CWC27: variants seen among roughly 807,000 people sequenced by gnomAD.
CWC27 encodes the protein CWC27 spliceosome associated cyclophilin, also known as spliceosome-associated protein CWC27 homolog.
Under a neutral mutation model 63.6 loss-of-function variants are expected in CWC27, and 47 were observed. The ratio of observed to expected loss-of-function variants is 0.74; its 90% CI spans 0.58 to 0.94. The LOEUF is 0.94. Ranked by LOEUF, CWC27 falls within the 40% of genes least tolerant of loss-of-function variation. The probability of loss-of-function intolerance (pLI) is 0.00; values close to 1 mark genes in which losing one functional copy is unlikely to be tolerated. For synonymous variants in CWC27, 175 were observed against 179.8 expected (o/e 0.97, Z 0.22); for missense variants, 495 against 554.3 (o/e 0.89, Z 1.07).
intron 13 of CWC27, among the ~76,000 whole-genome samples, chr5:64,985,284 T>C (rs1749404303): frequency 6.6e-6 from 1 of 152,226 alleles, no homozygotes; most frequent in Non-Finnish European, 1.5e-5. Context: ...AGTTTTAGAA[T>C]CAGTTTGTCT....
At position 64,782,009 on chromosome 5, in the gene CWC27, GTCTA is replaced by G. The variant is rs755683243; in HGVS notation, c.234_237del (p.Ile78MetfsTer69). On this transcript the variant is annotated frameshift_variant, in exon 3 of 14. Transcript: ENST00000381070. LOFTEE classifies it high-confidence loss of function. Reference sequence around the variant, plus strand: ...CTACTGGCACAGGGAGTGGTGGAGAGTCTATCTATGGAGCGCCATTCAAAGTAAG... The same window carrying G: ...CTACTGGCACAGGGAGTGGTGGAGAGTCTATGGAGCGCCATTCAAAGTAAG... The G allele has an allele frequency of 1.3e-6, 2 of 1,577,720 alleles. No homozygotes were observed. The highest frequency in any genetic ancestry group is 1.3e-5 in the African/African-American group (1 of 74,150).
chr5:64,857,249 C>A (rs1190867736), intron 10 of CWC27, among the ~76,000 whole-genome samples: 1 of 152,206 alleles, frequency 6.6e-6, no homozygotes, highest in Non-Finnish European at 1.5e-5. Context: ...TACTCACTGA[C>A]TGATGTTCTA....
intron 11 of CWC27, among the ~76,000 whole-genome samples, chr5:64,941,705 G>A (rs1049891335): frequency 1.3e-5 from 2 of 152,020 alleles, no homozygotes; most frequent in Non-Finnish European, 2.9e-5. Flanking sequence ...TTTTAAATGA[G>A]ATTGGACGTT....
intron 11 of CWC27, among the ~76,000 whole-genome samples, chr5:64,898,570 A>T (rs1435930701): frequency 2.0e-5 from 3 of 152,128 alleles, no homozygotes; most frequent in Non-Finnish European, 4.4e-5. Context: ...AGCAAGATCT[A>T]GTTGCTACGT....
chr5:64,926,024 C>G (rs958533557), intron 11 of CWC27, among the ~76,000 whole-genome samples: 4 of 152,146 alleles, frequency 2.6e-5, no homozygotes, highest in Admixed American at 1.3e-4. Flanking sequence ...GTTGCTGATT[C>G]TTTTGAAAGA....
chr5:64,855,189 T>G (rs917191372), intron 10 of CWC27, among the ~76,000 whole-genome samples: 1 of 152,130 alleles, frequency 6.6e-6, no homozygotes, highest in African/African-American at 2.4e-5. Flanking sequence ...GAGATGTTGT[T>G]GTCATATTTG....
At chr5:64,979,984 A>AG (rs199829393) in intron 13 of CWC27, among the ~76,000 whole-genome samples, 25 of 151,430 alleles carry the variant, frequency 1.7e-4, no homozygotes, top group Middle Eastern at 3.5e-3. Context: ...AAAAAAAAAA[A>AG]AGAGAGAGGG....
intron 5 of CWC27, among the ~76,000 whole-genome samples, chr5:64,786,104 G>C (rs1031251057): frequency 6.7e-6 from 1 of 148,282 alleles, no homozygotes; most frequent in African/African-American, 2.5e-5. Flanking sequence ...GGCAGAGGTT[G>C]CAGTGAGCCA....
At chr5:64,847,841 A>G (rs541073853) in intron 10 of CWC27, among the ~76,000 whole-genome samples, 6 of 152,258 alleles carry the variant, frequency 3.9e-5, no homozygotes, top group East Asian at 3.9e-4. Context: ...GAAAATGTAA[A>G]TACAACATAC....
intron 10 of CWC27, among the ~76,000 whole-genome samples, chr5:64,844,059 T>G (rs1266602475): frequency 6.6e-6 from 1 of 152,182 alleles, no homozygotes; most frequent in East Asian, 1.9e-4. Flanking sequence ...GAATTAGAAG[T>G]GTAAGAACGG....
chr5:64,988,071 T>G (rs1749468606), intron 13 of CWC27, among the ~76,000 whole-genome samples: 1 of 152,228 alleles, frequency 6.6e-6, no homozygotes, highest in Non-Finnish European at 1.5e-5. Context: ...ATTTTAGACC[T>G]TTGGTGTTCT....
intron 10 of CWC27, among the ~76,000 whole-genome samples, chr5:64,832,254 T>G (rs1031172621): frequency 7.3e-6 from 1 of 136,618 alleles, no homozygotes; most frequent in Non-Finnish European, 1.6e-5. Context: ...ATACATCTTG[T>G]TCTGTAATAT....
intron 9 of CWC27, among the ~76,000 whole-genome samples, chr5:64,802,944 A>G (rs1744536875): frequency 6.6e-6 from 1 of 152,190 alleles, no homozygotes; most frequent in Admixed American, 6.5e-5. Context: ...TACATTCACA[A>G]CCAAAATTAT....
chr5:64,953,300 T>A (rs893942371), intron 11 of CWC27, among the ~76,000 whole-genome samples: 2 of 152,146 alleles, frequency 1.3e-5, no homozygotes, highest in Non-Finnish European at 2.9e-5. Flanking sequence ...ACTACATACC[T>A]TGAAGGCCAT....
At chr5:64,942,249 A>AC (rs1026376371) in intron 11 of CWC27, among the ~76,000 whole-genome samples, 6 of 151,416 alleles carry the variant, frequency 4.0e-5, no homozygotes, top group East Asian at 1.9e-4. Flanking sequence ...ACATAGTAAG[A>AC]CCCCCGTCTC....
At chr5:64,963,192 G>T (rs1748950641) in intron 11 of CWC27, among the ~76,000 whole-genome samples, 1 of 151,996 alleles carries the variant, frequency 6.6e-6, no homozygotes, top group Non-Finnish European at 1.5e-5. Context: ...AAACTCCTGA[G>T]CTCAGACAAT....
chr5:64,929,433 G>T (rs1161367293), intron 11 of CWC27, among the ~76,000 whole-genome samples: 1 of 152,094 alleles, frequency 6.6e-6, no homozygotes, highest in African/African-American at 2.4e-5. Context: ...CAACCTAGAA[G>T]CCATCTTGAA....
intron 11 of CWC27, among the ~76,000 whole-genome samples, chr5:64,887,680 T>C (rs896133566): frequency 6.6e-6 from 1 of 152,198 alleles, no homozygotes; most frequent in African/African-American, 2.4e-5. Flanking sequence ...TATGTTTCCA[T>C]AATGCTATGT....
chr5:64,772,596 G>A (rs182382727), intron 1 of CWC27, among the ~76,000 whole-genome samples: 14 of 116,974 alleles, frequency 1.2e-4, no homozygotes, highest in African/African-American at 3.4e-4. Flanking sequence ...CACTGCACTC[G>A]GGTCTGGGAG....
Sources: allele counts gnomAD v4.1 joint callset (sites outside exome capture counted in the v4.1 genomes callset), GRCh38; gene constraint gnomAD v4.1.1; transcripts MANE v1.5; gene names NCBI Gene and HGNC (gene_info 2026-07-23, HGNC 2026-07-21).